KIF26B: variants seen among roughly 807,000 people sequenced by gnomAD.
KIF26B encodes the protein kinesin-like protein KIF26B.
In KIF26B, 63 loss-of-function variants were observed where a neutral mutation model predicts 151.2. The ratio of observed to expected loss-of-function variants is 0.42; its 90% CI spans 0.34 to 0.51. KIF26B has a LOEUF of 0.51. Among genes scored for constraint, KIF26B ranks in the 20% least tolerant of loss-of-function variants. The probability of loss-of-function intolerance (pLI) is 0.07; values close to 1 mark genes in which losing one functional copy is unlikely to be tolerated. For synonymous variants in KIF26B, 1,357 were observed against 1,262.1 expected (o/e 1.08, Z -1.59); for missense variants, 2,813 against 2,913.6 (o/e 0.97, Z 0.79).
At chr1:245,383,261 T>C (rs1673458895) in intron 3 of KIF26B, among the ~76,000 whole-genome samples, 1 of 151,884 alleles carries the variant, frequency 6.6e-6, no homozygotes, top group Admixed American at 6.6e-5. Flanking sequence ...ATCCCTCACG[T>C]CTGAACACGG....
intron 10 of KIF26B, among the ~76,000 whole-genome samples, chr1:245,658,388 A>G (rs2147930751): frequency 6.6e-6 from 1 of 152,218 alleles, no homozygotes; most frequent in South Asian, 2.1e-4. Context: ...TAATATGGTC[A>G]ATTACATTGT....
chr1:245,277,347 ACT>A (rs1670957962), intron 2 of KIF26B, among the ~76,000 whole-genome samples: 1 of 152,090 alleles, frequency 6.6e-6, no homozygotes, highest in Admixed American at 6.6e-5. Flanking sequence ...CTATGTCTTC[ACT>A]CTCTGTGAGC....
chr1:245,243,279 G>A (rs573578366), intron 2 of KIF26B, among the ~76,000 whole-genome samples: 4 of 152,210 alleles, frequency 2.6e-5, no homozygotes, highest in African/African-American at 7.2e-5. Context: ...GTTTTAACGA[G>A]CATCTCCCTG....
intron 4 of KIF26B, among the ~76,000 whole-genome samples, chr1:245,433,583 T>A (rs1201314679): frequency 1.3e-5 from 2 of 152,182 alleles, no homozygotes; most frequent in African/African-American, 4.8e-5. Context: ...GTATTAGTGA[T>A]AAAAATAATT....
At chr1:245,672,642 G>A (rs1312048098) in intron 10 of KIF26B, among the ~76,000 whole-genome samples, 3 of 152,228 alleles carry the variant, frequency 2.0e-5, no homozygotes, top group East Asian at 1.9e-4. Flanking sequence ...ACAGCTGCTT[G>A]GGGCTCAAAC....
intron 2 of KIF26B, among the ~76,000 whole-genome samples, chr1:245,303,262 G>A (rs1385729926): frequency 3.5e-5 from 5 of 144,694 alleles, no homozygotes; most frequent in East Asian, 2.1e-4. Flanking sequence ...GCAGTGGCGC[G>A]ATCTCGGCTC....
intron 3 of KIF26B, among the ~76,000 whole-genome samples, chr1:245,386,584 C>T (rs542203648): frequency 1.3e-5 from 2 of 152,262 alleles, no homozygotes; most frequent in African/African-American, 4.8e-5. Context: ...TCACTCACAC[C>T]CTGGTTGTGG....
chr1:245,577,469 G>A (rs1250288236), intron 5 of KIF26B, among the ~76,000 whole-genome samples: 1 of 152,228 alleles, frequency 6.6e-6, no homozygotes, highest in Non-Finnish European at 1.5e-5. Flanking sequence ...ACAATCTCCA[G>A]GGAGAGAAGA....
rs533029549 is a variant in KIF26B, at chr1:245,630,440, G to T, written c.2099-15681G>T. On this transcript the variant is annotated intron_variant, in intron 9 of 14. Transcript: ENST00000407071. The stretch of plus-strand genomic sequence containing the variant: ...AGATCATGTCCTTTGCAGGGACATG[G>T]ATGAAGCTGGAAGCCGTCATCCTCA... Among the ~76,000 whole-genome samples the T allele has an allele frequency of 1.1e-4, 16 of 152,296 alleles. No individual in the cohort carries two copies. In the South Asian group the frequency reaches 3.1e-3, roughly 30 times the overall value.
chr1:245,671,750 A>T (rs2147941520), intron 10 of KIF26B, among the ~76,000 whole-genome samples: 1 of 152,334 alleles, frequency 6.6e-6, no homozygotes, highest in East Asian at 1.9e-4. Context: ...AAGGATTAGT[A>T]GTGGATGATA....
rs1668697274 is a variant in KIF26B at position 245,170,960 on chromosome 1, G to A, written c.465+14277G>A. Among the ~76,000 whole-genome samples, 1 of 152,162 alleles carries A rather than the reference G, an allele frequency of 6.6e-6. No individual in the cohort carries two copies. ...CACTGTCTCCATTATTTGGTGAGAT[G>A]GTAACATGTGATTACATCCCAATGG... is the stretch of plus-strand genomic sequence containing the variant. On this transcript the variant is annotated intron_variant, in intron 2 of 14. Coordinates refer to ENST00000407071, the MANE Select transcript of KIF26B (RefSeq NM_018012.4). The surrounding 1 kb of genome is among the most constrained non-coding windows in gnomAD (Gnocchi z 4.4).
rs542519098 is a variant in KIF26B, at chr1:245,470,587, C to T, written c.1166+50842C>T. On this transcript the variant is annotated intron_variant, in intron 4 of 14. Transcript: ENST00000407071. ...CTGGGACCACAGGCACCCGCCACCA[C>T]GCCCGGCTAATTTTTTGTATTTTTA... 3.4e-4 allele frequency among the ~76,000 whole-genome samples: 51 copies of T among 152,150 alleles called. No homozygotes were observed. In the East Asian group the frequency reaches 7.8e-3, roughly 23 times the overall value.
chr1:245,593,054 T>A (rs2043304897), intron 5 of KIF26B, among the ~76,000 whole-genome samples: 2 of 152,118 alleles, frequency 1.3e-5, no homozygotes, highest in Non-Finnish European at 2.9e-5. Context: ...ACTTCTGGAG[T>A]CTTTCAGTCA....
In KIF26B at chr1:245,647,785, C is replaced by T. The variant is rs566984852; in HGVS notation, c.2258+1505C>T. ...CACCAAATACATTGTGAGTTTATTT[C>T]CTACCAGGAGAACCATTACTGGACT... On this transcript the variant is annotated intron_variant, in intron 10 of 14. Coordinates refer to ENST00000407071, the MANE Select transcript of KIF26B (RefSeq NM_018012.4). Among the ~76,000 whole-genome samples the T allele has an allele frequency of 5.9e-5, 9 of 152,270 alleles. No homozygotes were observed. In the East Asian group the frequency reaches 1.7e-3, roughly 29 times the overall value.
chr1:245,669,371 A>G (rs996588737), intron 10 of KIF26B, among the ~76,000 whole-genome samples: 11 of 152,220 alleles, frequency 7.2e-5, no homozygotes, highest in African/African-American at 2.7e-4. Flanking sequence ...TTATATGACA[A>G]AGGACACTAT....
chr1:245,237,703 G>T (rs1374748271), intron 2 of KIF26B, among the ~76,000 whole-genome samples: 2 of 152,110 alleles, frequency 1.3e-5, no homozygotes, highest in African/African-American at 4.8e-5. Context: ...GATTAATACA[G>T]GGAGTCTGCA....
intron 2 of KIF26B, among the ~76,000 whole-genome samples, chr1:245,304,559 A>T (rs970834943): frequency 2.6e-5 from 4 of 151,964 alleles, no homozygotes; most frequent in African/African-American, 9.7e-5. Flanking sequence ...TGCTTTATTG[A>T]TTTTTCACCA....
intron 5 of KIF26B, among the ~76,000 whole-genome samples, chr1:245,562,125 A>G (rs1572128966): frequency 6.6e-6 from 1 of 152,138 alleles, no homozygotes; most frequent in East Asian, 1.9e-4. Flanking sequence ...GGTGGTGCTC[A>G]GACTTAAAGC....
rs758163497 is a variant in KIF26B, at chr1:245,698,838, G to T, written c.6028-49G>T. ...TACTCACAGGTGCTCCTGTGGTGTG[G>T]GCTGGGTGTGAGCAGAAGGGCCCTT... is the stretch of plus-strand genomic sequence containing the variant. On this transcript the variant is annotated intron_variant, in intron 13 of 14. Transcript: ENST00000407071. The surrounding 1 kb of genome is among the most constrained non-coding windows in gnomAD (Gnocchi z 4.0). 1 of 1,588,508 alleles carries T rather than the reference G, an allele frequency of 6.3e-7. No individual in the cohort carries two copies. The highest frequency in any genetic ancestry group is 1.3e-5 in the African/African-American group (1 of 74,552).
Sources: allele counts gnomAD v4.1 joint callset (sites outside exome capture counted in the v4.1 genomes callset), GRCh38; gene constraint gnomAD v4.1.1; non-coding constraint Gnocchi (gnomAD v3.1); transcripts MANE v1.5; gene names NCBI Gene and HGNC (gene_info 2026-07-23, HGNC 2026-07-21).